Variants in NECTIN4 observed in about 807,000 individuals in gnomAD.
NECTIN4 encodes the protein nectin cell adhesion molecule 4, also known as nectin-4.
In NECTIN4, 19 loss-of-function variants were observed where a neutral mutation model predicts 51.7. The ratio of observed to expected loss-of-function variants is 0.37; its 90% CI spans 0.26 to 0.54. The LOEUF (loss-of-function observed/expected upper bound fraction) is 0.54. Among genes scored for constraint, NECTIN4 ranks in the 20% least tolerant of loss-of-function variants. The pLI is 0.86. For missense variants in NECTIN4, 619 were observed against 662.4 expected, an observed-to-expected ratio of 0.93 and a Z score of 0.72; for synonymous variants, 283 against 286.9, an observed-to-expected ratio of 0.99 and a Z score of 0.14.
rs1404576945 is a variant in NECTIN4, at chr1:161,074,371, G to T, written c.1003C>A (p.Pro335Thr). The change falls in exon 6 of 9, where the codon CCC (proline) becomes ACC (threonine). Residue 335 changes from proline to threonine, a missense_variant and splice_region_variant. This residue lies in a region of NECTIN4 where 364 missense variants were observed against 415.7 expected (regional missense o/e 0.88). Transcript: ENST00000368012. Reference sequence around the variant, plus strand: ...ACCTGCTTCCCAGAGTCTTCCTGGGGGTCTGCTGGAGACAGGCCACTGTCT... The same window carrying T: ...ACCTGCTTCCCAGAGTCTTCCTGGGTGTCTGCTGGAGACAGGCCACTGTCT... ...DSQVTVDVLD[P>T]QEDSGKQVDL... The T allele has an allele frequency of 6.2e-7, 1 of 1,613,828 alleles. No individual in the cohort carries two copies. Among genetic ancestry groups the T allele is most frequent in the South Asian group, 1.1e-5 (1 of 91,058 alleles).
chr1:161,076,258 T>G (rs554997178), intron 4 of NECTIN4, 97 bp downstream of exon 4: 1 of 1,396,886 alleles, frequency 7.2e-7, no homozygotes, highest in East Asian at 2.4e-5. Context: ...ATTTGGGGGC[T>G]CAGAATATGT....
chr1:161,073,246 GTCC>G lies in NECTIN4; in HGVS notation c.1284_1286del (p.Lys428_Asp429delinsAsn), dbSNP rs1342838847. The G allele has an allele frequency of 6.2e-7, 1 of 1,614,126 alleles. No homozygotes were observed. Among genetic ancestry groups the G allele is most frequent in the African/African-American group, 1.3e-5 (1 of 75,036 alleles). ...TCACCATCACAGAGCAGCTACTGTT[GTCC>G]TTGAGACTATCAGGGTGGCCCTCGG... On this transcript the variant is annotated inframe_deletion, in exon 8 of 9. Coordinates refer to ENST00000368012, the MANE Select transcript of NECTIN4 (RefSeq NM_030916.3).
Position 161,076,625 on chromosome 1 carries a change from CCCACCCTGCTGACAGCTCCTGG to C in NECTIN4, c.731-172_731-151del, listed in dbSNP as rs938205653. On this transcript the variant is annotated intron_variant, in intron 3 of 8. Transcript: ENST00000368012. ...CATCTGCTGCCAAACCTAGCTCAGC[CCCACCCTGCTGACAGCTCCTGG>C]CCACACTGTTCCCTCCCCTCTCTAA... The C allele has an allele frequency of 2.4e-5, 25 of 1,051,850 alleles. No individual in the cohort carries two copies. In the Admixed American group the frequency reaches 4.5e-4, roughly 19 times the overall value. The allele number at this position is 1,051,850 out of a possible 1,614,324, so 65.2% of individuals were successfully genotyped here.
intron 2 of NECTIN4, among the ~76,000 whole-genome samples, chr1:161,079,340 CAG>C (rs1454404139): frequency 3.9e-5 from 6 of 152,238 alleles, no homozygotes; most frequent in South Asian, 2.1e-4. Flanking sequence ...GCAAAAGTAA[CAG>C]AGGGAGTTTC....
At chr1:161,085,950 G>A (rs1046103768) in intron 1 of NECTIN4, among the ~76,000 whole-genome samples, 26 of 152,162 alleles carry the variant, frequency 1.7e-4, no homozygotes, top group African/African-American at 6.0e-4. Context: ...CTCCCAAAGT[G>A]CTGGGATTAT....
chr1:161,077,389 G>A (rs979081451), intron 3 of NECTIN4, 64 bp downstream of exon 3: 27 of 1,580,592 alleles, frequency 1.7e-5, no homozygotes, highest in Non-Finnish European at 2.3e-5. Flanking sequence ...TCAGGGACCT[G>A]TGGCATCTCA....
chr1:161,074,089 T>C, intron 6 of NECTIN4, 128 bp downstream of exon 6: 1 of 1,194,726 alleles, frequency 8.4e-7, no homozygotes, highest in Non-Finnish European at 1.2e-6. Context: ...AGAAACACCC[T>C]GCCCACCTCT....
At chr1:161,080,505 C>A (rs770350139) in intron 1 of NECTIN4, among the ~76,000 whole-genome samples, 4 of 152,104 alleles carry the variant, frequency 2.6e-5, no homozygotes, top group African/African-American at 9.7e-5. Flanking sequence ...ATTCAGTAGG[C>A]CCTTTGGAAC....
chr1:161,080,686 A>G (rs1256338848), intron 1 of NECTIN4, among the ~76,000 whole-genome samples: 1 of 152,196 alleles, frequency 6.6e-6, no homozygotes, highest in Non-Finnish European at 1.5e-5. Flanking sequence ...CAGACACACA[A>G]CAACCGGGTC....
At chr1:161,086,280 G>T (rs769052617) in intron 1 of NECTIN4, among the ~76,000 whole-genome samples, 2 of 152,126 alleles carry the variant, frequency 1.3e-5, no homozygotes, top group African/African-American at 4.8e-5. Flanking sequence ...CCTTGGCCCG[G>T]CCTCCTTAAA....
intron 1 of NECTIN4, among the ~76,000 whole-genome samples, chr1:161,084,234 T>G (rs1480895106): frequency 6.6e-6 from 1 of 152,244 alleles, no homozygotes; most frequent in Non-Finnish European, 1.5e-5. Flanking sequence ...ATATACGTAC[T>G]TACTTGTCTG....
chr1:161,079,431 T>A (rs1046610600), intron 2 of NECTIN4, among the ~76,000 whole-genome samples, 159 bp downstream of exon 2: 1 of 152,234 alleles, frequency 6.6e-6, no homozygotes, highest in African/African-American at 2.4e-5. Flanking sequence ...ATTTCTGGAT[T>A]GGGTGCGAGG....
In NECTIN4 at chr1:161,089,054, G is replaced by A. The variant is rs369546099; in HGVS notation, c.79+164C>T. 3.3e-5 allele frequency among the ~76,000 whole-genome samples: 5 copies of A among 152,158 alleles called. No individual in the cohort carries two copies. The South Asian group carries it at 6.2e-4, about 19-fold the overall frequency. ...GGGAGGGCTATACTGGCTTTTCTGG[G>A]GGCACTGCTGGAAGCTGGGGGCAGG... On this transcript the variant is annotated intron_variant, in intron 1 of 8. Coordinates refer to ENST00000368012, the MANE Select transcript of NECTIN4 (RefSeq NM_030916.3). The surrounding 1 kb of genome is among the most constrained non-coding windows in gnomAD (Gnocchi z 4.1).
At chr1:161,077,360 C>T (rs1012352840) in intron 3 of NECTIN4, 93 bp downstream of exon 3, 2 of 1,417,232 alleles carry the variant, frequency 1.4e-6, no homozygotes, top group Non-Finnish European at 2.0e-6. Context: ...AGGACCCAGG[C>T]TGGCCAGCCT....
Position 161,072,205 on chromosome 1 carries a change from A to G in NECTIN4, c.*456T>C, listed in dbSNP as rs1653197409. ...CTCCTCCAACCTCTGCATCATTAAT[A>G]CTGCTCTGGGGTCTGAGAAAATACC... On this transcript the variant is annotated 3_prime_UTR_variant, in exon 9 of 9. Coordinates refer to ENST00000368012, the MANE Select transcript of NECTIN4 (RefSeq NM_030916.3). 3.4e-6 allele frequency: 1 copy of G among 294,818 alleles called. No individual in the cohort carries two copies. The highest frequency in any genetic ancestry group is 6.7e-6 in the Non-Finnish European group (1 of 149,248). The allele number at this position is 294,818 out of a possible 1,614,324, so 18.3% of individuals were successfully genotyped here.
In NECTIN4 at chr1:161,089,271, A is replaced by T; in HGVS notation, c.26T>A (p.Met9Lys). ...CAGCAGCCAGGCCTCAGGCCCCCAC[A>T]TCTCGGCTCCCAGGGACAGGGGCAT... MPLSLGAE[M>K]WGPEAWLLLL... The change falls in exon 1 of 9, where the codon ATG becomes AAG. Residue 9 changes from methionine to lysine, a missense_variant. Physicochemically the swap from Met to Lys is moderately conservative, Grantham distance 95 (BLOSUM62 -1). Around this residue, in one of 3 missense-constraint regions of NECTIN4, gnomAD observed 218 missense variants for 186.3 expected, o/e 1.17. Coordinates refer to ENST00000368012, the MANE Select transcript of NECTIN4 (RefSeq NM_030916.3). The surrounding 1 kb of genome is among the most constrained non-coding windows in gnomAD (Gnocchi z 4.1). The T allele has an allele frequency of 6.2e-7, 1 of 1,611,140 alleles. No homozygotes were observed. Among genetic ancestry groups the T allele is most frequent in the Admixed American group, 1.7e-5 (1 of 60,010 alleles).
Position 161,079,763 on chromosome 1 carries a change from T to G in NECTIN4, c.266A>C (p.His89Pro). 1 of 1,612,380 alleles carries G rather than the reference T, an allele frequency of 6.2e-7. No homozygotes were observed. The highest frequency in any genetic ancestry group is 8.5e-7 in the Non-Finnish European group (1 of 1,179,948). ...GCGGCCCTCGTAAGCCGGGCTCACA[T>G]GAAGCCCGTATTTGGAGTGCAGTAG... Reference protein sequence around the residue: ...LALLHSKYGLHVSPAYEGRVE... With the variant: ...LALLHSKYGLPVSPAYEGRVE... The change falls in exon 2 of 9, where the codon CAT becomes CCT. Residue 89 changes from histidine (H) to proline (P), a missense_variant. Coordinates refer to ENST00000368012, the MANE Select transcript of NECTIN4 (RefSeq NM_030916.3).
chr1:161,089,485 C>A lies in NECTIN4; in HGVS notation c.-189G>T, dbSNP rs1654101807. On this transcript the variant is annotated 5_prime_UTR_variant, in exon 1 of 9. Coordinates refer to ENST00000368012, the MANE Select transcript of NECTIN4 (RefSeq NM_030916.3). This position sits in a 1 kb window ranked among gnomAD's most constrained non-coding sequence, Gnocchi z 4.1. ...CGTTCTACACACCCAGCCGTAGCTACCCCCAAGAAGCCGTGATCGGGAGCT... is the reference window on the plus strand; with the variant it reads ...CGTTCTACACACCCAGCCGTAGCTAACCCCAAGAAGCCGTGATCGGGAGCT... The A allele has an allele frequency of 3.2e-6, 2 of 624,702 alleles. No individual in the cohort carries two copies. Among genetic ancestry groups the A allele is most frequent in the Admixed American group, 2.4e-5 (1 of 41,028 alleles). The allele number at this position is 624,702 out of a possible 1,614,324, so 38.7% of individuals were successfully genotyped here. A position where few individuals can be genotyped will look rare whatever the true frequency, so the allele number is the denominator to read the frequency against.
At chr1:161,083,451 G>T (rs915719596) in intron 1 of NECTIN4, among the ~76,000 whole-genome samples, 1 of 152,180 alleles carries the variant, frequency 6.6e-6, no homozygotes, top group Non-Finnish European at 1.5e-5. Context: ...CAGACCAAAG[G>T]AGACACATTG....
Sources: gnomAD v4.1 joint callset for allele counts (sites outside exome capture counted in the v4.1 genomes callset) on GRCh38, gnomAD v4.1.1 for gene constraint, gnomAD v4.1.1 regional missense constraint, Gnocchi (gnomAD v3.1) non-coding constraint, MANE v1.5 for transcripts, NCBI Gene and HGNC (gene_info 2026-07-23, HGNC 2026-07-21) for gene names.